FABP9: variants seen among roughly 807,000 people sequenced by gnomAD.
FABP9 encodes fatty acid binding protein 9, also known as fatty acid-binding protein 9.
Under a neutral mutation model 14.7 loss-of-function variants are expected in FABP9, and 11 were observed. That is an observed-to-expected ratio of 0.75 (90% confidence interval 0.47 to 1.24). The LOEUF (loss-of-function observed/expected upper bound fraction) is 1.24. Among genes scored for constraint, FABP9 ranks in the 50% most tolerant of loss-of-function variants. FABP9 has a pLI of 0.00. For missense variants in FABP9, 171 were observed against 158.2 expected (o/e 1.08, Z -0.44); for synonymous variants, 54 against 50.6 (o/e 1.07, Z -0.29).
chr8:81,459,464 T>A (rs1485855688), intron 1 of FABP9, 127 bp from the exon 2 acceptor site: 1 of 817,838 alleles, frequency 1.2e-6, no homozygotes, highest in Admixed American at 3.6e-5. Context: ...ACTTATTTTA[T>A]GTTTTCTGTG....
chr8:81,458,699 G>A lies in FABP9; in HGVS notation c.251C>T (p.Thr84Ile), dbSNP rs992423647. The A allele has an allele frequency of 1.2e-6, 2 of 1,611,322 alleles. No individual in the cohort carries two copies. The highest frequency in any genetic ancestry group is 1.7e-5 in the Admixed American group (1 of 59,980). The change falls in exon 3 of 4, where the codon ACC becomes ATC. Residue 84 changes from threonine to isoleucine, a missense_variant. Physicochemically the swap from Thr to Ile is moderately conservative, Grantham distance 89 (BLOSUM62 -1). Transcript: ENST00000379071. ...TTADNRKVKS[T>I]ITLENGSMIH... Reference sequence around the variant, plus strand: ...CATTGAGCCATTCTCTAATGTTATGGTGCTCTATAAATGCATAAAGAAATC... The same window carrying A: ...CATTGAGCCATTCTCTAATGTTATGATGCTCTATAAATGCATAAAGAAATC...
In FABP9 at chr8:81,459,343, A is replaced by T; in HGVS notation, c.74-6T>A. 6.6e-7 allele frequency: 1 copy of T among 1,516,694 alleles called. No individual in the cohort carries two copies. The highest frequency in any genetic ancestry group is 8.7e-7 in the Non-Finnish European group (1 of 1,143,284). The allele number at this position is 1,516,694 out of a possible 1,614,324, so 94.0% of individuals were successfully genotyped here. ...CCGGGCTGCGAAATTCACTCCTACA[A>T]GACAGAGATAGCCTTGGACCTTATT... On this transcript the variant is annotated splice_region_variant and splice_polypyrimidine_tract_variant and intron_variant, in intron 1 of 3. Transcript: ENST00000379071.
chr8:81,458,797 CT>C, intron 2 of FABP9, 94 bp from the exon 3 acceptor site: 1 of 887,654 alleles, frequency 1.1e-6, no homozygotes, highest in South Asian at 1.7e-5. Context: ...TTTTGAAATT[CT>C]TTTCTTAAAA....
chr8:81,461,528 G>A lies in FABP9; in HGVS notation c.-5C>T. 1 of 1,612,022 alleles carries A rather than the reference G, an allele frequency of 6.2e-7. No individual in the cohort carries two copies. The highest frequency in any genetic ancestry group is 8.5e-7 in the Non-Finnish European group (1 of 1,178,194). ...TCCCAAGAAGGGCTCAACCATCATG[G>A]AACACTTGCTGAGAAGAGCCACTCG... is the stretch of plus-strand genomic sequence containing the variant. On this transcript the variant is annotated 5_prime_UTR_variant, in exon 1 of 4. Coordinates refer to ENST00000379071, the MANE Select transcript of FABP9 (RefSeq NM_001080526.2).
intron 1 of FABP9, 86 bp from the exon 2 acceptor site, chr8:81,459,423 C>G: frequency 7.7e-7 from 1 of 1,297,320 alleles, no homozygotes; most frequent in East Asian, 2.8e-5. Flanking sequence ...GCTTACTTTA[C>G]CTATTTTGAA....
intron 1 of FABP9, among the ~76,000 whole-genome samples, chr8:81,460,549 A>G (rs180767173): frequency 3.7e-4 from 56 of 152,348 alleles, no homozygotes; most frequent in Non-Finnish European, 1.0e-4. Flanking sequence ...AATATTGACT[A>G]CATCAGAGGA....
Position 81,458,419 on chromosome 8 carries a change from AT to A in FABP9, c.362del (p.Asn121IlefsTer41). 1 of 1,612,512 alleles carries A rather than the reference AT, an allele frequency of 6.2e-7. No homozygotes were observed. The highest frequency in any genetic ancestry group is 2.2e-5 in the East Asian group (1 of 44,856). On this transcript the variant is annotated frameshift_variant, in exon 4 of 4. Transcript: ENST00000379071. LOFTEE classifies it high-confidence loss of function. Reference sequence around the variant, plus strand: ...CGTAGATTCTGGTGCTGACAATATTATTCATTTTACATTCCTAAAAGCAAAG... The same window carrying A: ...CGTAGATTCTGGTGCTGACAATATTATCATTTTACATTCCTAAAAGCAAAG... ...DEKMVVECKM[N>X]NIVSTRIYEK... is the part of the protein sequence containing the mutation.
rs768146324 is a variant in FABP9 at position 81,459,422 on chromosome 8, A to T, written c.74-85T>A. ...TCAATTTTCAAAGAATGCTTACTTT[A>T]CCTATTTTGAAATTTTGGATAATGT... On this transcript the variant is annotated intron_variant, in intron 1 of 3. Transcript: ENST00000379071. 4 of 1,299,856 alleles carry T rather than the reference A, an allele frequency of 3.1e-6. No individual in the cohort carries two copies. The South Asian group carries it at 7.1e-5, about 23-fold the overall frequency. The allele number at this position is 1,299,856 out of a possible 1,614,324, so 80.5% of individuals were successfully genotyped here. A position where few individuals can be genotyped will look rare whatever the true frequency, so the allele number is the denominator to read the frequency against.
rs1216105422 is a variant in FABP9, at chr8:81,459,283, A to G, written c.128T>C (p.Ile43Thr). 11 of 1,572,162 alleles carry G rather than the reference A, an allele frequency of 7.0e-6. No individual in the cohort carries two copies. The East Asian group carries it at 2.1e-4, about 31-fold the overall frequency. Reference sequence around the variant, plus strand: ...GGTCATCATTTTCCCATCAACACTAATAGTTACTGTCGGTTTCACTAACCC... The same window carrying G: ...GGTCATCATTTTCCCATCAACACTAGTAGTTACTGTCGGTTTCACTAACCC... ...MAGLVKPTVTISVDGKMMTIR... is the reference protein window; with the variant it reads ...MAGLVKPTVTTSVDGKMMTIR... The change falls in exon 2 of 4, where the codon ATT (isoleucine) becomes ACT (threonine). Residue 43 changes from isoleucine to threonine, a missense_variant. By Grantham distance (89) the Ile-to-Thr change is moderately conservative (BLOSUM62 -1). Transcript: ENST00000379071.
intron 1 of FABP9, 103 bp downstream of exon 1, chr8:81,461,348 T>C: frequency 3.6e-6 from 3 of 840,108 alleles, no homozygotes; most frequent in Non-Finnish European, 6.2e-6. Context: ...TACCCTAGGA[T>C]CACAAAAGGA....
rs781351072 is a variant in FABP9, at chr8:81,458,713, C to G, written c.247-10G>C. On this transcript the variant is annotated splice_polypyrimidine_tract_variant and intron_variant, in intron 2 of 3. Transcript: ENST00000379071. ...CTAATGTTATGGTGCTCTATAAATG[C>G]ATAAAGAAATCAGAAGTAGCAACTC... is the stretch of plus-strand genomic sequence containing the variant. 6.3e-7 allele frequency: 1 copy of G among 1,593,384 alleles called. No homozygotes were observed. Among genetic ancestry groups the G allele is most frequent in the South Asian group, 1.1e-5 (1 of 89,992 alleles).
intron 2 of FABP9, among the ~76,000 whole-genome samples, chr8:81,458,915 A>C (rs1807642168): frequency 6.6e-6 from 1 of 152,218 alleles, no homozygotes; most frequent in South Asian, 2.1e-4. Flanking sequence ...ATTTGTGTTT[A>C]GTTGTTTCTT....
Position 81,458,636 on chromosome 8 carries a change from A to G in FABP9, c.314T>C (p.Ile105Thr), listed in dbSNP as rs200298497. The change falls in exon 3 of 4, where the codon ATC becomes ACC. Residue 105 changes from isoleucine (I) to threonine (T), a missense_variant. By Grantham distance (89) the Ile-to-Thr change is moderately conservative. Transcript: ENST00000379071. ...TTTTTCATCCACAATTTTTCTTTTG[A>G]TTGTTGTCTCTTTGCCAAGCCATTT... ...VQKWLGKETTIKRKIVDEKMV... is the reference protein window; with the variant it reads ...VQKWLGKETTTKRKIVDEKMV... 1.7e-4 allele frequency: 272 copies of G among 1,613,654 alleles called. No homozygotes were observed. The highest frequency in any genetic ancestry group is 2.1e-4 in the Non-Finnish European group (252 of 1,179,772).
intron 2 of FABP9, 21 bp downstream of exon 2, chr8:81,459,144 C>A (rs775186477): frequency 3.2e-6 from 5 of 1,560,760 alleles, no homozygotes; most frequent in Middle Eastern, 1.7e-4. Context: ...TTGTTGAACA[C>A]CAGGAAGAAT....
chr8:81,459,690 G>T (rs1166699902), intron 1 of FABP9, among the ~76,000 whole-genome samples: 1 of 152,140 alleles, frequency 6.6e-6, no homozygotes, highest in African/African-American at 2.4e-5. Flanking sequence ...CTGTGGTTTG[G>T]TTGGGAATTT....
In FABP9 at chr8:81,458,618, T is replaced by C; in HGVS notation, c.332A>G (p.Asp111Gly). The change falls in exon 3 of 4, where the codon GAT becomes GGT. Residue 111 changes from aspartate to glycine, a missense_variant. Coordinates refer to ENST00000379071, the MANE Select transcript of FABP9 (RefSeq NM_001080526.2). ...AAAACTTACCACTACCATTTTTTCA[T>C]CCACAATTTTTCTTTTGATTGTTGT... ...KETTIKRKIV[D>G]EKMVVECKMN... The C allele has an allele frequency of 1.2e-6, 2 of 1,612,928 alleles. No individual in the cohort carries two copies. Among genetic ancestry groups the C allele is most frequent in the South Asian group, 2.2e-5 (2 of 91,014 alleles).
Position 81,458,631 on chromosome 8 carries a change from T to C in FABP9, c.319A>G (p.Arg107Gly). ...ACCATTTTTTCATCCACAATTTTTC[T>C]TTTGATTGTTGTCTCTTTGCCAAGC... ...KWLGKETTIK[R>G]KIVDEKMVVE... The change falls in exon 3 of 4, where the codon AGA (arginine) becomes GGA (glycine). Residue 107 changes from arginine to glycine, a missense_variant. Transcript: ENST00000379071. The C allele has an allele frequency of 6.2e-7, 1 of 1,613,738 alleles. No individual in the cohort carries two copies. The highest frequency in any genetic ancestry group is 8.5e-7 in the Non-Finnish European group (1 of 1,179,784).
intron 1 of FABP9, among the ~76,000 whole-genome samples, chr8:81,460,854 G>C (rs1246096350): frequency 1.3e-5 from 2 of 152,142 alleles, no homozygotes. Flanking sequence ...TAAATGACTT[G>C]AGTTAGAGAT....
chr8:81,459,209 C>T lies in FABP9; in HGVS notation c.202G>A (p.Gly68Arg), dbSNP rs143294543. ...GCTGTAGTTTCATCAAATTCTTCCC[C>T]CAGCTTGAAGGAGATCTTAGTGTCC... ...FQDTKISFKL[G>R]EEFDETTADN... The change falls in exon 2 of 4, where the codon GGG becomes AGG. Residue 68 changes from glycine (G) to arginine (R), a missense_variant. Physicochemically the swap from Gly to Arg is moderately radical, Grantham distance 125. Transcript: ENST00000379071. The T allele has an allele frequency of 4.8e-5, 76 of 1,589,982 alleles. No homozygotes were observed. Among genetic ancestry groups the T allele is most frequent in the Non-Finnish European group, 6.1e-5 (72 of 1,171,796 alleles).
Sources: allele counts gnomAD v4.1 joint callset (sites outside exome capture counted in the v4.1 genomes callset), GRCh38; gene constraint gnomAD v4.1.1; transcripts MANE v1.5; gene names NCBI Gene and HGNC (gene_info 2026-07-23, HGNC 2026-07-21).